Variants in TMTC1 observed in about 807,000 individuals in gnomAD.
TMTC1 encodes the protein transmembrane O-mannosyltransferase targeting cadherins 1.
In TMTC1, 73 loss-of-function variants were observed where a neutral mutation model predicts 104.8. The ratio of observed to expected loss-of-function variants is 0.70; its 90% CI spans 0.58 to 0.85. TMTC1 has a LOEUF of 0.85. Ranked by LOEUF, TMTC1 falls within the 40% of genes least tolerant of loss-of-function variation. TMTC1 has a pLI of 0.00. For synonymous variants in TMTC1, 434 were observed against 428.7 expected, an observed-to-expected ratio of 1.01 and a Z score of -0.15; for missense variants, 1,035 against 1,096.1, an observed-to-expected ratio of 0.94 and a Z score of 0.79.
chr12:29,594,926 A>G (rs7316470), intron 7 of TMTC1, among the ~76,000 whole-genome samples: 6,116 of 152,260 alleles, frequency 0.04, 289 homozygotes, highest in African/African-American at 0.11. Context: ...CCAAAGGAGG[A>G]AGAAAGGGAA....
chr12:29,767,498 G>A (rs1379041240), intron 2 of TMTC1, among the ~76,000 whole-genome samples: 7 of 152,162 alleles, frequency 4.6e-5, no homozygotes, highest in Non-Finnish European at 5.9e-5. Context: ...TAAGTGTCTC[G>A]AATGGCCCTT....
At chr12:29,667,904 G>A (rs1218221257) in intron 5 of TMTC1, among the ~76,000 whole-genome samples, 1 of 152,144 alleles carries the variant, frequency 6.6e-6, no homozygotes, top group East Asian at 1.9e-4. Flanking sequence ...CTAGCCCTGT[G>A]AGTCCATACT....
intron 4 of TMTC1, among the ~76,000 whole-genome samples, chr12:29,755,434 T>C (rs983821789): frequency 2.0e-5 from 3 of 152,194 alleles, no homozygotes; most frequent in African/African-American, 7.2e-5. Flanking sequence ...AAACCAGCAA[T>C]ATAAACTTGC....
At chr12:29,767,362 A>G (rs1299461578) in intron 2 of TMTC1, among the ~76,000 whole-genome samples, 2 of 152,238 alleles carry the variant, frequency 1.3e-5, no homozygotes, top group Non-Finnish European at 2.9e-5. Context: ...AACTTGAAGA[A>G]TGTCAGTCTA....
At chr12:29,733,383 C>T (rs1942594293) in intron 5 of TMTC1, among the ~76,000 whole-genome samples, 1 of 152,112 alleles carries the variant, frequency 6.6e-6, no homozygotes, top group South Asian at 2.1e-4. Flanking sequence ...GGCCTAGGGC[C>T]TACCTGATGT....
At chr12:29,640,047 G>A (rs1302394720) in intron 5 of TMTC1, among the ~76,000 whole-genome samples, 1 of 152,050 alleles carries the variant, frequency 6.6e-6, no homozygotes. Context: ...GGGGCATTCC[G>A]GGGCCGAGAC....
intron 1 of TMTC1, among the ~76,000 whole-genome samples, chr12:29,776,207 C>T (rs1484503242): frequency 6.6e-6 from 1 of 152,128 alleles, no homozygotes; most frequent in Non-Finnish European, 1.5e-5. Context: ...CAGCAAGCAT[C>T]CACCAACCAT....
At chr12:29,740,053 G>A (rs1227163104) in intron 5 of TMTC1, among the ~76,000 whole-genome samples, 1 of 152,136 alleles carries the variant, frequency 6.6e-6, no homozygotes, top group Non-Finnish European at 1.5e-5. Flanking sequence ...GTCTCACACT[G>A]TGGCCCAGGC....
At chr12:29,517,397 G>A (rs1161788167) in intron 14 of TMTC1, 30 bp downstream of exon 14, 11 of 1,612,882 alleles carry the variant, frequency 6.8e-6, no homozygotes, top group Non-Finnish European at 9.3e-6. Context: ...TGCTTAGGTT[G>A]CCAGCTTCAT....
chr12:29,747,470 C>A (rs1231897851), intron 5 of TMTC1, among the ~76,000 whole-genome samples: 5 of 152,264 alleles, frequency 3.3e-5, no homozygotes, highest in East Asian at 3.9e-4. Flanking sequence ...TTTTCCTGGG[C>A]TTAGATTTTT....
chr12:29,604,177 C>T lies in TMTC1; in HGVS notation c.1250+1G>A. On this transcript the variant is annotated splice_donor_variant, in intron 7 of 17. Coordinates refer to ENST00000539277, the MANE Select transcript of TMTC1 (RefSeq NM_001193451.2). LOFTEE classifies it high-confidence loss of function. Reference sequence around the variant, plus strand: ...AGGAGGAAGTCACGTGCAATAGTTACCTAGGCATGTAAAGGACTCTCTCCG... The same window carrying T: ...AGGAGGAAGTCACGTGCAATAGTTATCTAGGCATGTAAAGGACTCTCTCCG... The T allele has an allele frequency of 6.2e-7, 1 of 1,613,460 alleles. No homozygotes were observed. Among genetic ancestry groups the T allele is most frequent in the Non-Finnish European group, 8.5e-7 (1 of 1,179,594 alleles).
rs1308141708 is a variant in TMTC1, at chr12:29,540,679, C to T, written c.1677-4362G>A. 2.0e-3 allele frequency among the ~76,000 whole-genome samples: 10 copies of T among 5,010 alleles called. No homozygotes were observed. In the Admixed American group the frequency reaches 0.03, roughly 15 times the overall value. 3.3% of individuals were successfully genotyped at this position (5,010 alleles called of 152,430 possible). On this transcript the variant is annotated intron_variant, in intron 10 of 17. Transcript: ENST00000539277. The stretch of plus-strand genomic sequence containing the variant: ...GTAGAAATTCAATAATTGCTGCATT[C>T]GTTTAAAAAAAAAAAATCACCGTAG...
chr12:29,699,168 CTT>C (rs1941508715), intron 5 of TMTC1, among the ~76,000 whole-genome samples: 1 of 152,146 alleles, frequency 6.6e-6, no homozygotes, highest in African/African-American at 2.4e-5. Context: ...GAATTACTCT[CTT>C]TTAATAGAAT....
intron 5 of TMTC1, among the ~76,000 whole-genome samples, chr12:29,673,744 CTTTTTTTT>C (rs146463669): frequency 4.2e-5 from 4 of 95,734 alleles, no homozygotes; most frequent in African/African-American, 8.0e-5. Context: ...AGAGGGACTT[CTTTTTTTT>C]TTTTTTTTTT....
chr12:29,713,358 G>C (rs908266924), intron 5 of TMTC1, among the ~76,000 whole-genome samples: 1 of 150,444 alleles, frequency 6.6e-6, no homozygotes, highest in Non-Finnish European at 1.5e-5. Flanking sequence ...GAGAGAGAGA[G>C]AGATCCTATT....
At chr12:29,532,011 G>C (rs1252721197) in intron 11 of TMTC1, among the ~76,000 whole-genome samples, 4 of 152,138 alleles carry the variant, frequency 2.6e-5, no homozygotes, top group African/African-American at 9.7e-5. Flanking sequence ...ACCATGAGCG[G>C]CCACTTAATT....
intron 5 of TMTC1, among the ~76,000 whole-genome samples, chr12:29,648,345 G>A (rs1189005336): frequency 6.6e-6 from 1 of 152,190 alleles, no homozygotes; most frequent in Non-Finnish European, 1.5e-5. Context: ...AACTTTGAGT[G>A]GGAATTTACA....
chr12:29,602,089 C>T (rs543441921), intron 7 of TMTC1, among the ~76,000 whole-genome samples: 1 of 152,086 alleles, frequency 6.6e-6, no homozygotes, highest in Admixed American at 6.5e-5. Flanking sequence ...CCGCCTCGGC[C>T]TCCCAAAGTG....
chr12:29,777,400 C>A (rs990414918), intron 1 of TMTC1, among the ~76,000 whole-genome samples: 9 of 152,094 alleles, frequency 5.9e-5, no homozygotes, highest in Non-Finnish European at 1.0e-4. Flanking sequence ...GACCTCCTTA[C>A]CCCTCTCTTT....
Sources: allele counts gnomAD v4.1 joint callset (sites outside exome capture counted in the v4.1 genomes callset), GRCh38; gene constraint gnomAD v4.1.1; transcripts MANE v1.5; gene names NCBI Gene and HGNC (gene_info 2026-07-23, HGNC 2026-07-21).